Variants in ZNF599 observed in about 807,000 individuals in gnomAD.
The protein encoded by ZNF599 is zinc finger protein 599.
A neutral mutation model predicts 11.7 loss-of-function variants in ZNF599; 10 were observed. The ratio of observed to expected loss-of-function variants is 0.86; its 90% CI spans 0.53 to 1.45. The LOEUF (loss-of-function observed/expected upper bound fraction) is 1.45. ZNF599 is among the 40% of genes most tolerant of loss of function. ZNF599 has a pLI of 0.00. For missense variants in ZNF599, 688 were observed against 713.6 expected (o/e 0.96, Z 0.41); for synonymous variants, 232 against 253.2 (o/e 0.92, Z 0.79).
At chr19:34,762,305 G>A (rs2069118189) in intron 3 of ZNF599, among the ~76,000 whole-genome samples, 1 of 152,098 alleles carries the variant, frequency 6.6e-6, no homozygotes, top group Non-Finnish European at 1.5e-5. Flanking sequence ...TTTTATACTC[G>A]CTAGGTTGAA....
the ZNF599 span, among the ~76,000 whole-genome samples, chr19:34,793,256 A>T: frequency 6.6e-6 from 1 of 152,208 alleles, no homozygotes. Context: ...CTCTTTGGGC[A>T]GCAGCTTCCT....
intron 1 of ZNF599, among the ~76,000 whole-genome samples, chr19:34,771,206 G>A (rs953626732): frequency 6.6e-6 from 1 of 152,030 alleles, no homozygotes; most frequent in Non-Finnish European, 1.5e-5. Flanking sequence ...AGCTGCGATG[G>A]GGCCACTGCA....
the ZNF599 span, among the ~76,000 whole-genome samples, chr19:34,791,305 C>G: frequency 7.2e-5 from 11 of 152,326 alleles, no homozygotes; most frequent in East Asian, 2.1e-3. Context: ...TTTTCCTCTG[C>G]TGACAGATAA....
rs141137370 is a variant in ZNF599 at position 34,766,181 on chromosome 19, A to G, written c.241+1135T>C. Among the ~76,000 whole-genome samples the G allele has an allele frequency of 2.6e-5, 4 of 152,278 alleles. No individual in the cohort carries two copies. The East Asian group carries it at 5.8e-4, about 22-fold the overall frequency. On this transcript the variant is annotated intron_variant, in intron 3 of 3. Transcript: ENST00000329285. ...GGTGAAGGCTGACTGAGCAGGCAAGAAGGACACTAGAGGGGTGAGATGGTG... is the reference window on the plus strand; with the variant it reads ...GGTGAAGGCTGACTGAGCAGGCAAGGAGGACACTAGAGGGGTGAGATGGTG...
At chr19:34,782,470 A>G in the ZNF599 span, among the ~76,000 whole-genome samples, 6 of 152,240 alleles carry the variant, frequency 3.9e-5, no homozygotes, top group East Asian at 1.9e-4. Context: ...GAACTGGACA[A>G]TCATTTGGGA....
chr19:34,769,660 G>A (rs1471242007), intron 1 of ZNF599, 105 bp from the exon 2 acceptor site: 2 of 1,406,718 alleles, frequency 1.4e-6, no homozygotes, highest in Non-Finnish European at 1.9e-6. Context: ...GAACCACTGA[G>A]CAACTCCTGA....
At chr19:34,796,274 A>G in the ZNF599 span, among the ~76,000 whole-genome samples, 1 of 151,880 alleles carries the variant, frequency 6.6e-6, no homozygotes, top group African/African-American at 2.4e-5. Context: ...GAAGTTTAAT[A>G]GCAGTGGGGG....
chr19:34,785,758 A>C, the ZNF599 span, among the ~76,000 whole-genome samples: 1 of 152,132 alleles, frequency 6.6e-6, no homozygotes, highest in East Asian at 1.9e-4. Context: ...GATGGGCTCA[A>C]CCTGCTCTTC....
Position 34,760,448 on chromosome 19 carries a change from A to C in ZNF599, c.353T>G (p.Leu118Trp). 2.5e-6 allele frequency: 4 copies of C among 1,614,084 alleles called. No homozygotes were observed. The highest frequency in any genetic ancestry group is 3.4e-6 in the Non-Finnish European group (4 of 1,180,010). Residue 118 changes from leucine (L) to tryptophan (W), a missense_variant, in exon 4 of 4, where the codon TTG (leucine) becomes TGG (tryptophan). Physicochemically the swap from Leu to Trp is moderately conservative, Grantham distance 61. Transcript: ENST00000329285. ...CTTTTCCTCATCTCTAGCTTGCCCCAACCTGGAATCTCTTGAGGATCTCTG... is the reference window on the plus strand; with the variant it reads ...CTTTTCCTCATCTCTAGCTTGCCCCCACCTGGAATCTCTTGAGGATCTCTG... ...LAQRSSRDSR[L>W]GQARDEEKLI...
the ZNF599 span, among the ~76,000 whole-genome samples, chr19:34,790,065 A>T: frequency 6.6e-6 from 1 of 152,132 alleles, no homozygotes; most frequent in Non-Finnish European, 1.5e-5. Flanking sequence ...ATCCCTCTGC[A>T]TGTGAATAGC....
At chr19:34,782,425 A>T in the ZNF599 span, among the ~76,000 whole-genome samples, 1 of 152,260 alleles carries the variant, frequency 6.6e-6, no homozygotes. Context: ...TGCCAGCCAA[A>T]AAAGGGGACA....
upstream of ZNF599, among the ~76,000 whole-genome samples, chr19:34,777,309 T>C (rs1348472490): frequency 9.5e-6 from 1 of 105,318 alleles, no homozygotes; most frequent in East Asian, 2.4e-4. Flanking sequence ...TTGTATTATG[T>C]ATATTTATCT....
chr19:34,805,745 A>G, the ZNF599 span, among the ~76,000 whole-genome samples: 1 of 152,106 alleles, frequency 6.6e-6, no homozygotes, highest in Non-Finnish European at 1.5e-5. Context: ...CATTGCTCCC[A>G]TCAACTCCAG....
At chr19:34,806,816 C>T in the ZNF599 span, among the ~76,000 whole-genome samples, 1 of 152,126 alleles carries the variant, frequency 6.6e-6, no homozygotes, top group Non-Finnish European at 1.5e-5. Flanking sequence ...CAGCCCAAAA[C>T]CCCACCCTCA....
intron 3 of ZNF599, 116 bp from the exon 4 acceptor site, chr19:34,760,675 T>A (rs947451255): frequency 3.3e-6 from 3 of 912,848 alleles, no homozygotes; most frequent in African/African-American, 3.4e-5. Context: ...GCCTACTGCA[T>A]TTTTACATCT....
At chr19:34,791,131 G>C in the ZNF599 span, among the ~76,000 whole-genome samples, 1 of 152,196 alleles carries the variant, frequency 6.6e-6, no homozygotes, top group African/African-American at 2.4e-5. Context: ...TAAGTGTACA[G>C]AATGAGATAG....
chr19:34,796,435 C>T, the ZNF599 span, among the ~76,000 whole-genome samples: 2,327 of 151,950 alleles, frequency 0.015, 50 homozygotes, highest in African/African-American at 0.053. Context: ...CTCAGTCTTC[C>T]GAGAAGCTGG....
chr19:34,789,679 C>G, the ZNF599 span, among the ~76,000 whole-genome samples: 1 of 152,188 alleles, frequency 6.6e-6, no homozygotes, highest in Admixed American at 6.5e-5. Context: ...TATTCAGGTC[C>G]TTCCCACATT....
At chr19:34,765,765 C>T (rs1161557359) in intron 3 of ZNF599, 2 of 682,130 alleles carry the variant, frequency 2.9e-6, no homozygotes, top group Admixed American at 2.0e-5. Flanking sequence ...GGCGGTGATA[C>T]ATGGAACATG....
Sources: gnomAD v4.1 joint callset for allele counts (sites outside exome capture counted in the v4.1 genomes callset) on GRCh38, gnomAD v4.1.1 for gene constraint, MANE v1.5 for transcripts, NCBI Gene and HGNC (gene_info 2026-07-23, HGNC 2026-07-21) for gene names.